Variants in TYW1 observed in about 807,000 individuals in gnomAD.
TYW1 encodes the protein S-adenosyl-L-methionine-dependent tRNA 4-demethylwyosine synthase TYW1.
In TYW1, 46 loss-of-function variants were observed where a neutral mutation model predicts 96.2. The observed-to-expected ratio is 0.48, with a 90% CI of 0.38 to 0.61. The LOEUF (loss-of-function observed/expected upper bound fraction) is 0.61. Among genes scored for constraint, TYW1 ranks in the 20% least tolerant of loss-of-function variants. The pLI, the probability that TYW1 is intolerant of heterozygous loss-of-function variation, is 0.00. For missense variants in TYW1, 684 were observed against 909.6 expected, an observed-to-expected ratio of 0.75 and a Z score of 3.19; for synonymous variants, 274 against 323.0, an observed-to-expected ratio of 0.85 and a Z score of 1.63.
intron 10 of TYW1, among the ~76,000 whole-genome samples, chr7:67,069,290 A>G (rs1795963045): frequency 2.0e-5 from 3 of 152,242 alleles, no homozygotes; most frequent in Admixed American, 2.0e-4. Context: ...ATAGCAGTCA[A>G]AAACTTTGCC....
At chr7:67,040,316 T>C (rs987384620) in intron 7 of TYW1, among the ~76,000 whole-genome samples, 1 of 152,156 alleles carries the variant, frequency 6.6e-6, no homozygotes, top group Non-Finnish European at 1.5e-5. Context: ...TTTCAAGTTT[T>C]CTGCTCTTAT....
chr7:67,048,886 T>C (rs1478593958), intron 7 of TYW1, among the ~76,000 whole-genome samples: 1 of 152,210 alleles, frequency 6.6e-6, no homozygotes, highest in African/African-American at 2.4e-5. Context: ...AAAATTAGCA[T>C]GCCTGTAGTC....
chr7:66,997,677 G>C (rs1199030231), intron 1 of TYW1, among the ~76,000 whole-genome samples: 1 of 130,876 alleles, frequency 7.6e-6, no homozygotes, highest in African/African-American at 3.0e-5. Flanking sequence ...CGCCCAGGCT[G>C]GAGTGCGGTG....
At chr7:67,156,090 G>T (rs1428119368) in intron 13 of TYW1, among the ~76,000 whole-genome samples, 2 of 152,202 alleles carry the variant, frequency 1.3e-5, no homozygotes, top group Non-Finnish European at 2.9e-5. Flanking sequence ...GCACCAGTCA[G>T]TGGTGGTGGC....
At chr7:67,142,219 C>T (rs1210554248) in intron 13 of TYW1, among the ~76,000 whole-genome samples, 8 of 139,298 alleles carry the variant, frequency 5.7e-5, no homozygotes, top group Non-Finnish European at 1.1e-4. Flanking sequence ...CCTCAGTTGC[C>T]GGAGCAGCTG....
At chr7:67,208,133 G>T (rs1299780388) in intron 15 of TYW1, among the ~76,000 whole-genome samples, 1 of 151,892 alleles carries the variant, frequency 6.6e-6, no homozygotes, top group African/African-American at 2.4e-5. Context: ...TTTGAGACTA[G>T]CCTGGGCAAT....
intron 15 of TYW1, among the ~76,000 whole-genome samples, chr7:67,197,004 G>A (rs1015023271): frequency 6.6e-6 from 1 of 152,210 alleles, no homozygotes; most frequent in African/African-American, 2.4e-5. Flanking sequence ...GTGACTTTGT[G>A]CAAGTTCTTT....
intron 15 of TYW1, among the ~76,000 whole-genome samples, chr7:67,216,813 A>G (rs74789459): frequency 0.24 from 35,333 of 146,062 alleles, 3,466 homozygotes; most frequent in African/African-American, 0.31. Context: ...TACAATTTCC[A>G]TCATGATTTC....
chr7:67,180,806 C>T (rs1799817497), intron 13 of TYW1, among the ~76,000 whole-genome samples: 1 of 138,814 alleles, frequency 7.2e-6, no homozygotes, highest in Non-Finnish European at 1.6e-5. Context: ...TCATGCCTGG[C>T]TAATTTTTGT....
In TYW1 at chr7:67,117,572, A is replaced by G; in HGVS notation, c.1652A>G (p.Asp551Gly). ...LKKIDRPLFK[D>G]FWQRFLDSLK... ...AAAATCGACCGCCCACTCTTCAAGG[A>G]TTTCTGGCAGAGATTCCTTGACAGT... The change falls in exon 13 of 16, where the codon GAT becomes GGT. Residue 551 changes from aspartate (D) to glycine (G), a missense_variant. Physicochemically the swap from Asp to Gly is moderately conservative, Grantham distance 94. Transcript: ENST00000359626. The G allele has an allele frequency of 6.2e-7, 1 of 1,614,028 alleles. No homozygotes were observed. The highest frequency in any genetic ancestry group is 1.1e-5 in the South Asian group (1 of 91,070).
intron 12 of TYW1, among the ~76,000 whole-genome samples, chr7:67,107,116 A>G (rs901936628): frequency 6.6e-6 from 1 of 152,234 alleles, no homozygotes; most frequent in Non-Finnish European, 1.5e-5. Context: ...ATATGTTTGA[A>G]GAGATGAGTG....
In TYW1 at chr7:67,239,498, A is replaced by G; in HGVS notation, c.*969A>G. 3.8e-6 allele frequency: 3 copies of G among 793,320 alleles called. No individual in the cohort carries two copies. The highest frequency in any genetic ancestry group is 4.6e-6 in the Non-Finnish European group (3 of 655,092). The allele number at this position is 793,320 out of a possible 1,614,324, so 49.1% of individuals were successfully genotyped here. On this transcript the variant is annotated 3_prime_UTR_variant, in exon 16 of 16. Transcript: ENST00000359626. ...TTTATGCAAAAATTGAATTAATAAA[A>G]TAATCTTTTGTAAAGACTTGCAGCA...
At chr7:67,169,754 T>A in intron 13 of TYW1, among the ~76,000 whole-genome samples, 1 of 152,196 alleles carries the variant, frequency 6.6e-6, no homozygotes, top group Non-Finnish European at 1.5e-5. Context: ...TGTACTATAT[T>A]TTCTTTGTCC....
At chr7:67,038,983 T>C (rs117297319) in intron 7 of TYW1, among the ~76,000 whole-genome samples, 2,204 of 152,298 alleles carry the variant, frequency 0.014, 29 homozygotes, top group Non-Finnish European at 0.023. Context: ...TTTGGGATGC[T>C]CAACTGTTAA....
At chr7:67,114,573 T>C (rs1797532599) in intron 12 of TYW1, among the ~76,000 whole-genome samples, 1 of 152,198 alleles carries the variant, frequency 6.6e-6, no homozygotes, top group Non-Finnish European at 1.5e-5. Flanking sequence ...TTGTCTGTTT[T>C]TGGGAGAGCA....
At chr7:67,150,023 T>C (rs1038581881) in intron 13 of TYW1, among the ~76,000 whole-genome samples, 6 of 151,520 alleles carry the variant, frequency 4.0e-5, no homozygotes, top group African/African-American at 1.2e-4. Flanking sequence ...TTACCATCTT[T>C]TGCCTTTATG....
intron 11 of TYW1, among the ~76,000 whole-genome samples, chr7:67,088,977 C>G (rs929088909): frequency 6.6e-6 from 1 of 152,232 alleles, no homozygotes; most frequent in African/African-American, 2.4e-5. Flanking sequence ...TAGTCAATTT[C>G]AAAGGCTTGA....
At chr7:67,176,116 T>C (rs1799664184) in intron 13 of TYW1, among the ~76,000 whole-genome samples, 1 of 152,138 alleles carries the variant, frequency 6.6e-6, no homozygotes, top group African/African-American at 2.4e-5. Context: ...TATTAAAATA[T>C]CAGTTAAATA....
At chr7:67,085,526 T>G (rs1269756623) in intron 11 of TYW1, among the ~76,000 whole-genome samples, 1 of 152,198 alleles carries the variant, frequency 6.6e-6, no homozygotes, top group Non-Finnish European at 1.5e-5. Flanking sequence ...GCGAATCAAT[T>G]AAACCTCTTT....
Sources: gnomAD v4.1 joint callset for allele counts (sites outside exome capture counted in the v4.1 genomes callset) on GRCh38, gnomAD v4.1.1 for gene constraint, MANE v1.5 for transcripts, NCBI Gene and HGNC (gene_info 2026-07-23, HGNC 2026-07-21) for gene names.